CDYL: variants seen among roughly 807,000 people sequenced by gnomAD.
CDYL encodes chromodomain Y like, also known as chromodomain Y-like protein.
In CDYL, 8 loss-of-function variants were observed where a neutral mutation model predicts 47.3. That is an observed-to-expected ratio of 0.17 (90% CI 0.10 to 0.31). CDYL has a LOEUF of 0.31. Ranked by LOEUF, CDYL falls within the 10% of genes least tolerant of loss-of-function variation. The pLI, the probability that CDYL is intolerant of heterozygous loss-of-function variation, is 1.00. For synonymous variants in CDYL, 266 were observed against 265.0 expected (o/e 1.00, Z -0.04); for missense variants, 471 against 701.4 (o/e 0.67, Z 3.71).
At chr6:4,925,473 A>G (rs1238883619) in intron 2 of CDYL, among the ~76,000 whole-genome samples, 3 of 131,540 alleles carry the variant, frequency 2.3e-5, no homozygotes, top group East Asian at 2.4e-4. Context: ...GTGCAGTGGC[A>G]CGATCTCGGC....
At chr6:4,909,569 C>CA (rs375154033) in intron 2 of CDYL, among the ~76,000 whole-genome samples, 1 of 151,802 alleles carries the variant, frequency 6.6e-6, no homozygotes, top group African/African-American at 2.4e-5. Context: ...AAAATTCATA[C>CA]TTTTTTTTGT....
intron 1 of CDYL, among the ~76,000 whole-genome samples, chr6:4,816,194 G>A (rs1055903592): frequency 4.6e-5 from 7 of 150,672 alleles, no homozygotes; most frequent in African/African-American, 9.7e-5. Context: ...CAGAGCTGTC[G>A]TTACCCCAGC....
At chr6:4,776,120 C>T (rs1470565701), upstream of CDYL, among the ~76,000 whole-genome samples, 1 of 149,890 alleles carries the variant, frequency 6.7e-6, no homozygotes, top group Non-Finnish European at 1.5e-5. Context: ...GCCGACCCCG[C>T]AAGCGGGACT....
At chr6:4,857,181 C>A (rs1221386335) in intron 1 of CDYL, among the ~76,000 whole-genome samples, 1 of 152,214 alleles carries the variant, frequency 6.6e-6, no homozygotes. Flanking sequence ...CCATTTTAAC[C>A]ATTTTCTGTG....
At chr6:4,880,422 T>C (rs1452452200) in intron 1 of CDYL, among the ~76,000 whole-genome samples, 1 of 152,236 alleles carries the variant, frequency 6.6e-6, no homozygotes, top group Admixed American at 6.5e-5. Context: ...TATACTTACC[T>C]ATCCATTTAC....
intron 1 of CDYL, among the ~76,000 whole-genome samples, chr6:4,867,081 C>T (rs1010141247): frequency 3.9e-5 from 6 of 152,006 alleles, no homozygotes; most frequent in South Asian, 2.1e-4. Flanking sequence ...AGTGTTTCAT[C>T]GATAATTTCT....
chr6:4,813,729 A>G (rs184307737), intron 1 of CDYL, among the ~76,000 whole-genome samples: 4 of 150,874 alleles, frequency 2.7e-5, no homozygotes, highest in South Asian at 4.2e-4. Flanking sequence ...TCAAGTTTCT[A>G]TCTCAGACTT....
rs1758812459 is a variant in CDYL at position 4,954,602 on chromosome 6, G to A, written c.*546G>A. On this transcript the variant is annotated 3_prime_UTR_variant, in exon 7 of 7. Transcript: ENST00000397588. ...CAAAATCAAAAGACTTAGCTTCTAG[G>A]ATAAATACTTCTGATGAAAAATCCG... The A allele has an allele frequency of 6.6e-6, 1 of 152,642 alleles. No homozygotes were observed. The highest frequency in any genetic ancestry group is 2.1e-4 in the South Asian group (1 of 4,832). The allele number at this position is 152,642 out of a possible 1,614,324, so 9.5% of individuals were successfully genotyped here. A position where few individuals can be genotyped will look rare whatever the true frequency, so the allele number is the denominator to read the frequency against.
chr6:4,734,121 T>G (rs1757658117), intron 2 of CDYL, among the ~76,000 whole-genome samples: 2 of 152,064 alleles, frequency 1.3e-5, no homozygotes, highest in African/African-American at 4.8e-5. Flanking sequence ...ATTACAGGCA[T>G]GAGCCACCAC....
chr6:4,823,948 C>T (rs568218125), intron 1 of CDYL, among the ~76,000 whole-genome samples: 1 of 152,198 alleles, frequency 6.6e-6, no homozygotes, highest in African/African-American at 2.4e-5. Flanking sequence ...GTGAATTTGC[C>T]TATTCTAGAT....
At chr6:4,840,132 A>G (rs536473683) in intron 1 of CDYL, among the ~76,000 whole-genome samples, 1 of 150,520 alleles carries the variant, frequency 6.6e-6, no homozygotes, top group African/African-American at 2.4e-5. Context: ...GAGGTCTTTC[A>G]CCTCCTTAGA....
intron 1 of CDYL, among the ~76,000 whole-genome samples, chr6:4,707,097 G>A (rs562141885): frequency 1.2e-3 from 179 of 152,230 alleles, no homozygotes; most frequent in African/African-American, 4.2e-3. Flanking sequence ...ATTCCATGAA[G>A]TCAAATATCC....
chr6:4,867,255 A>T (rs568900900), intron 1 of CDYL, among the ~76,000 whole-genome samples: 4 of 152,162 alleles, frequency 2.6e-5, no homozygotes, highest in South Asian at 2.1e-4. Context: ...TTTTTAAAAA[A>T]TTTCTTAATT....
At chr6:4,767,916 C>T (rs1288765941) in intron 3 of CDYL, among the ~76,000 whole-genome samples, 3 of 151,672 alleles carry the variant, frequency 2.0e-5, no homozygotes, top group African/African-American at 7.3e-5. Context: ...TGCAATAATT[C>T]CCTAACCACT....
At chr6:4,948,547 CT>C (rs1433603239) in intron 5 of CDYL, among the ~76,000 whole-genome samples, 1 of 152,190 alleles carries the variant, frequency 6.6e-6, no homozygotes, top group Non-Finnish European at 1.5e-5. Flanking sequence ...GACCTCACCC[CT>C]GGGGAACAAT....
At chr6:4,851,603 A>C (rs1036405597) in intron 1 of CDYL, among the ~76,000 whole-genome samples, 1 of 152,180 alleles carries the variant, frequency 6.6e-6, no homozygotes, top group Non-Finnish European at 1.5e-5. Flanking sequence ...GGGGATTTTC[A>C]GGTGGGCACG....
chr6:4,807,380 A>G (rs796741088), intron 1 of CDYL, among the ~76,000 whole-genome samples: 13 of 152,260 alleles, frequency 8.5e-5, no homozygotes, highest in African/African-American at 2.6e-4. Flanking sequence ...TAATTAATAC[A>G]TATCTTGGGG....
At chr6:4,836,852 C>A (rs1760329739) in intron 1 of CDYL, among the ~76,000 whole-genome samples, 1 of 152,082 alleles carries the variant, frequency 6.6e-6, no homozygotes, top group Non-Finnish European at 1.5e-5. Context: ...CACTTGTAGA[C>A]CTTGCGCCTG....
chr6:4,831,421 C>T (rs1483124886), intron 1 of CDYL, among the ~76,000 whole-genome samples: 1 of 152,112 alleles, frequency 6.6e-6, no homozygotes, highest in East Asian at 1.9e-4. Flanking sequence ...GAGCTCTGTT[C>T]TGTTCCATTG....
Sources: allele counts gnomAD v4.1 joint callset (sites outside exome capture counted in the v4.1 genomes callset), GRCh38; gene constraint gnomAD v4.1.1; transcripts MANE v1.5; gene names NCBI Gene and HGNC (gene_info 2026-07-23, HGNC 2026-07-21).